MAPKAPK2: variants seen among roughly 807,000 people sequenced by gnomAD.
MAPKAPK2 encodes the protein MAPK activated protein kinase 2, also known as MAP kinase-activated protein kinase 2.
In MAPKAPK2, 9 loss-of-function variants were observed where a neutral mutation model predicts 48.8. The ratio of observed to expected loss-of-function variants is 0.18; its 90% CI spans 0.11 to 0.32. MAPKAPK2 has a LOEUF of 0.32. MAPKAPK2 is among the 10% of genes least tolerant of loss of function. The pLI, the probability that MAPKAPK2 is intolerant of heterozygous loss-of-function variation, is 1.00. For missense variants in MAPKAPK2, 331 were observed against 498.3 expected, an observed-to-expected ratio of 0.66 and a Z score of 3.20; for synonymous variants, 202 against 190.6, an observed-to-expected ratio of 1.06 and a Z score of -0.49.
intron 1 of MAPKAPK2, among the ~76,000 whole-genome samples, chr1:206,723,556 T>G (rs781903675): frequency 1.3e-5 from 2 of 152,186 alleles, no homozygotes; most frequent in African/African-American, 4.8e-5. Context: ...TGGGGCCTGC[T>G]CCTTCCCAGT....
chr1:206,709,990 CG>C (rs1553429222), intron 1 of MAPKAPK2, among the ~76,000 whole-genome samples: 2 of 152,048 alleles, frequency 1.3e-5, no homozygotes, highest in Non-Finnish European at 2.9e-5. Flanking sequence ...GCTTAGTCAC[CG>C]AGAAAAAATT....
intron 1 of MAPKAPK2, among the ~76,000 whole-genome samples, chr1:206,713,007 A>ACACACACACACACACACAC: frequency 2.5e-5 from 1 of 40,788 alleles, no homozygotes; most frequent in Non-Finnish European, 5.4e-5. Context: ...CACACACACT[A>ACACACACACACACACACAC]ATAGGTTTGC....
intron 4 of MAPKAPK2, 30 bp downstream of exon 4, chr1:206,729,505 G>A (rs1673827843): frequency 6.3e-7 from 1 of 1,596,726 alleles, no homozygotes; most frequent in African/African-American, 1.3e-5. Context: ...CTGAGCCCGA[G>A]TGCTGTGGGG....
At chr1:206,688,789 C>T (rs782698133) in intron 1 of MAPKAPK2, among the ~76,000 whole-genome samples, 2 of 152,118 alleles carry the variant, frequency 1.3e-5, no homozygotes, top group Non-Finnish European at 2.9e-5. Flanking sequence ...CGCCCGTCAC[C>T]ATGCCCGGCT....
At chr1:206,728,565 A>G in intron 1 of MAPKAPK2, 145 bp from the exon 2 acceptor site, 1 of 794,140 alleles carries the variant, frequency 1.3e-6, no homozygotes, top group East Asian at 2.9e-5. Flanking sequence ...AGGCCTCAGG[A>G]AATGTGCCAA....
At chr1:206,696,036 G>A (rs1000821892) in intron 1 of MAPKAPK2, 3 of 837,586 alleles carry the variant, frequency 3.6e-6, no homozygotes, top group South Asian at 1.3e-5. Context: ...GCCACATCCC[G>A]GGCAGCCAAC....
intron 4 of MAPKAPK2, 65 bp downstream of exon 4, chr1:206,729,540 C>T: frequency 7.2e-7 from 1 of 1,394,920 alleles, no homozygotes; most frequent in Non-Finnish European, 1.0e-6. Context: ...TGTGGCCACC[C>T]CAGAGATGGT....
Position 206,730,782 on chromosome 1 carries a change from G to T in MAPKAPK2, c.767+19G>T. 6.4e-7 allele frequency: 1 copy of T among 1,551,588 alleles called. No individual in the cohort carries two copies. Among genetic ancestry groups the T allele is most frequent in the South Asian group, 1.1e-5 (1 of 89,902 alleles). ...ACATCCTGTGAGTGTGCTGGGGAGG[G>T]GGCTGGGTGGGGCAGGGAGTCAGGG... On this transcript the variant is annotated intron_variant, in intron 6 of 9. Transcript: ENST00000367103.
chr1:206,712,824 A>T (rs978458066), intron 1 of MAPKAPK2, among the ~76,000 whole-genome samples: 1 of 151,824 alleles, frequency 6.6e-6, no homozygotes, highest in African/African-American at 2.4e-5. Context: ...AAATTTGCTG[A>T]GTGTGGTGGT....
chr1:206,716,521 G>T, intron 1 of MAPKAPK2, among the ~76,000 whole-genome samples: 1 of 152,038 alleles, frequency 6.6e-6, no homozygotes, highest in African/African-American at 2.4e-5. Flanking sequence ...TTGATTTGTA[G>T]GATCCTTCTC....
chr1:206,716,356 C>T (rs1673334165), intron 1 of MAPKAPK2, among the ~76,000 whole-genome samples: 1 of 151,836 alleles, frequency 6.6e-6, no homozygotes, highest in Admixed American at 6.6e-5. Flanking sequence ...AAGAGTGGTT[C>T]CTGTCTTCTC....
In MAPKAPK2 at chr1:206,730,118, A is replaced by G; in HGVS notation, c.691+20A>G. Reference sequence around the variant, plus strand: ...ATGTGGGTAAGTCCACAGGGGGCCCAGGGACCTAGGCTTTTCCCAGAACTT... The same window carrying G: ...ATGTGGGTAAGTCCACAGGGGGCCCGGGGACCTAGGCTTTTCCCAGAACTT... On this transcript the variant is annotated intron_variant, in intron 5 of 9. Coordinates refer to ENST00000367103, the MANE Select transcript of MAPKAPK2 (RefSeq NM_032960.4). 1 of 1,614,080 alleles carries G rather than the reference A, an allele frequency of 6.2e-7. No homozygotes were observed. The highest frequency in any genetic ancestry group is 8.5e-7 in the Non-Finnish European group (1 of 1,179,958).
chr1:206,719,549 G>T (rs1673448461), intron 1 of MAPKAPK2, among the ~76,000 whole-genome samples: 2 of 152,170 alleles, frequency 1.3e-5, no homozygotes, highest in Non-Finnish European at 2.9e-5. Context: ...ACCTTCTAAG[G>T]CTTTTAAAAC....
intron 1 of MAPKAPK2, among the ~76,000 whole-genome samples, chr1:206,695,605 G>A (rs987151772): frequency 6.6e-6 from 1 of 151,842 alleles, no homozygotes; most frequent in Non-Finnish European, 1.5e-5. Context: ...CCCCCGTCCT[G>A]TCTATATCTA....
intron 1 of MAPKAPK2, among the ~76,000 whole-genome samples, chr1:206,706,499 CCCAGGCTCCAGGCTCT>C (rs1672963013): frequency 1.3e-5 from 2 of 152,176 alleles, no homozygotes; most frequent in African/African-American, 4.8e-5. Context: ...CTTGCAGACT[CCCAGGCTCCAGGCTCT>C]CTGGAGGGGA....
intron 1 of MAPKAPK2, among the ~76,000 whole-genome samples, chr1:206,693,865 T>C (rs1374951600): frequency 6.6e-6 from 1 of 152,242 alleles, no homozygotes; most frequent in Non-Finnish European, 1.5e-5. Flanking sequence ...GCCCTGGCTC[T>C]CAGGATCTCC....
chr1:206,718,497 AG>A (rs1194529845), intron 1 of MAPKAPK2, among the ~76,000 whole-genome samples: 4 of 148,608 alleles, frequency 2.7e-5, no homozygotes, highest in Admixed American at 6.7e-5. Flanking sequence ...ATGCCACTGC[AG>A]CTCCAGCCTG....
At chr1:206,689,771 G>A (rs1672397119) in intron 1 of MAPKAPK2, among the ~76,000 whole-genome samples, 1 of 152,200 alleles carries the variant, frequency 6.6e-6, no homozygotes, top group Admixed American at 6.5e-5. Context: ...AATTAAATTT[G>A]AAAAATCAGT....
chr1:206,696,446 G>A (rs1189424978), intron 1 of MAPKAPK2, among the ~76,000 whole-genome samples: 1 of 152,192 alleles, frequency 6.6e-6, no homozygotes, highest in East Asian at 1.9e-4. Context: ...GCTCACGCCT[G>A]TAATCTCAGT....
Sources: allele counts gnomAD v4.1 joint callset (sites outside exome capture counted in the v4.1 genomes callset), GRCh38; gene constraint gnomAD v4.1.1; transcripts MANE v1.5; gene names NCBI Gene and HGNC (gene_info 2026-07-23, HGNC 2026-07-21).